The following PRKG1 variants were observed in gnomAD, a reference collection of about 807,000 sequenced individuals.
The protein encoded by PRKG1 is protein kinase cGMP-dependent 1.
In PRKG1, 35 loss-of-function variants were observed where a neutral mutation model predicts 88.1. The observed-to-expected ratio is 0.40, with a 90% confidence interval of 0.30 to 0.53. PRKG1 has a LOEUF of 0.53. PRKG1 is among the 20% of genes least tolerant of loss of function. PRKG1 has a pLI of 0.59. For synonymous variants in PRKG1, 303 were observed against 292.5 expected, an observed-to-expected ratio of 1.04 and a Z score of -0.37; for missense variants, 540 against 839.8, an observed-to-expected ratio of 0.64 and a Z score of 4.41.
At chr10:51,557,617 T>C (rs1379280587) in intron 3 of PRKG1, among the ~76,000 whole-genome samples, 2 of 152,090 alleles carry the variant, frequency 1.3e-5, no homozygotes, top group Non-Finnish European at 2.9e-5. Context: ...AGGAAGATGA[T>C]GATGAACGTA....
chr10:51,378,613 T>G (rs776575460), intron 2 of PRKG1, among the ~76,000 whole-genome samples: 2 of 152,202 alleles, frequency 1.3e-5, no homozygotes, highest in Admixed American at 6.5e-5. Flanking sequence ...GAAAACATTA[T>G]ATATTGTTCT....
At chr10:52,238,635 C>T (rs1358699518) in intron 9 of PRKG1, among the ~76,000 whole-genome samples, 8 of 149,538 alleles carry the variant, frequency 5.3e-5, no homozygotes, top group Non-Finnish European at 1.2e-4. Context: ...CATCTCACAC[C>T]AGTTAGAATG....
chr10:51,118,433 G>T (rs1169197788), intron 1 of PRKG1, among the ~76,000 whole-genome samples: 1 of 152,064 alleles, frequency 6.6e-6, no homozygotes, highest in Non-Finnish European at 1.5e-5. Flanking sequence ...AGTAATGTTT[G>T]AATTCAGTGA....
chr10:51,295,378 C>A (rs1840693236), intron 2 of PRKG1, among the ~76,000 whole-genome samples: 1 of 151,778 alleles, frequency 6.6e-6, no homozygotes, highest in Admixed American at 6.6e-5. Flanking sequence ...GTATTTTATT[C>A]TTTTTGTTAC....
intron 2 of PRKG1, among the ~76,000 whole-genome samples, chr10:51,257,786 T>C (rs1386667729): frequency 6.6e-6 from 1 of 152,186 alleles, no homozygotes; most frequent in East Asian, 1.9e-4. Flanking sequence ...TTCGCTGTGA[T>C]TCTGATGAAC....
At chr10:51,804,275 T>G (rs1389772056) in intron 3 of PRKG1, among the ~76,000 whole-genome samples, 3 of 152,148 alleles carry the variant, frequency 2.0e-5, no homozygotes, top group Non-Finnish European at 4.4e-5. Flanking sequence ...TATATAGCCT[T>G]GATTTACAAA....
chr10:51,505,762 G>T (rs1459580405), intron 3 of PRKG1, among the ~76,000 whole-genome samples: 2 of 152,112 alleles, frequency 1.3e-5, no homozygotes, highest in African/African-American at 2.4e-5. Flanking sequence ...TTGCATAGAG[G>T]TGTTTATAGT....
chr10:51,161,806 T>A (rs1353303061), intron 2 of PRKG1, among the ~76,000 whole-genome samples: 16 of 152,232 alleles, frequency 1.1e-4, no homozygotes, highest in African/African-American at 2.9e-4. Context: ...TTTAAAAGTG[T>A]ATTTTTTTGG....
intron 2 of PRKG1, among the ~76,000 whole-genome samples, chr10:51,172,411 CAAT>C: frequency 6.6e-6 from 1 of 151,970 alleles, no homozygotes; most frequent in Non-Finnish European, 1.5e-5. Flanking sequence ...ATTGTTAAGA[CAAT>C]AAAGTATTTT....
chr10:51,375,755 G>C (rs1469823042), intron 2 of PRKG1, among the ~76,000 whole-genome samples: 1 of 54,878 alleles, frequency 1.8e-5, no homozygotes, highest in African/African-American at 8.5e-5. Flanking sequence ...TGTTGGTGGT[G>C]GGGGGGTGTT....
intron 3 of PRKG1, among the ~76,000 whole-genome samples, chr10:51,582,819 A>G (rs1416527504): frequency 2.0e-5 from 3 of 152,116 alleles, no homozygotes; most frequent in African/African-American, 7.2e-5. Context: ...TTTATTGGGA[A>G]TTCCATGGGA....
intron 3 of PRKG1, among the ~76,000 whole-genome samples, chr10:51,694,870 T>C (rs1236302378): frequency 3.3e-5 from 5 of 152,244 alleles, no homozygotes; most frequent in Non-Finnish European, 4.4e-5. Context: ...AATATTGGAA[T>C]GTTCAATGAT....
intron 3 of PRKG1, among the ~76,000 whole-genome samples, chr10:51,588,288 C>T (rs1922127): frequency 0.16 from 23,983 of 151,958 alleles, 1,983 homozygotes; most frequent in African/African-American, 0.2. Context: ...TTGACATGAT[C>T]GTATCAGTTT....
chr10:51,512,323 T>G (rs1841440433), intron 3 of PRKG1, among the ~76,000 whole-genome samples: 1 of 146,770 alleles, frequency 6.8e-6, no homozygotes, highest in Non-Finnish European at 1.5e-5. Flanking sequence ...TAGATATATC[T>G]CCCAATGCTA....
intron 9 of PRKG1, among the ~76,000 whole-genome samples, chr10:52,194,888 T>C (rs12261077): frequency 0.034 from 5,181 of 152,252 alleles, 311 homozygotes; most frequent in African/African-American, 0.12. Flanking sequence ...AACCTTTTAC[T>C]ATCTGAGCTA....
chr10:51,337,111 T>C (rs1841895495), intron 2 of PRKG1, among the ~76,000 whole-genome samples: 1 of 152,130 alleles, frequency 6.6e-6, no homozygotes, highest in Admixed American at 6.5e-5. Context: ...AGACCACTCC[T>C]CTACAACCAT....
At chr10:51,877,058 A>G (rs2132870604) in intron 4 of PRKG1, among the ~76,000 whole-genome samples, 1 of 151,878 alleles carries the variant, frequency 6.6e-6, no homozygotes, top group South Asian at 2.1e-4. Context: ...AAAACAAAAC[A>G]CTCTGGCAGA....
At chr10:51,257,902 G>A (rs1371510843) in intron 2 of PRKG1, among the ~76,000 whole-genome samples, 3 of 152,156 alleles carry the variant, frequency 2.0e-5, no homozygotes, top group Non-Finnish European at 4.4e-5. Context: ...GAAAATCAGG[G>A]TTCTTTTGCC....
chr10:52,272,750 A>G (rs1047016004), intron 12 of PRKG1, among the ~76,000 whole-genome samples: 1 of 151,508 alleles, frequency 6.6e-6, no homozygotes, highest in African/African-American at 2.4e-5. Flanking sequence ...TTAGTTTTGC[A>G]TGAATGTTAG....
Sources: allele counts gnomAD v4.1 joint callset (sites outside exome capture counted in the v4.1 genomes callset), GRCh38; gene constraint gnomAD v4.1.1; transcripts MANE v1.5; gene names NCBI Gene and HGNC (gene_info 2026-07-23, HGNC 2026-07-21).